Variants in AEBP2 observed in about 807,000 individuals in gnomAD.
The protein encoded by AEBP2 is zinc finger protein AEBP2.
Under a neutral mutation model 50.8 loss-of-function variants are expected in AEBP2, and 10 were observed. The ratio of observed to expected loss-of-function variants is 0.20; its 90% CI spans 0.12 to 0.33. AEBP2 has a LOEUF of 0.33. AEBP2 is among the 10% of genes least tolerant of loss of function. The pLI is 1.00. For synonymous variants in AEBP2, 296 were observed against 261.3 expected (o/e 1.13, Z -1.28); for missense variants, 570 against 688.0 (o/e 0.83, Z 1.92).
At chr12:19,466,174 T>A (rs979921199) in intron 2 of AEBP2, among the ~76,000 whole-genome samples, 1 of 151,938 alleles carries the variant, frequency 6.6e-6, no homozygotes, top group African/African-American at 2.4e-5. Context: ...AAATGAACTT[T>A]AAAAAAACAA....
At chr12:19,440,769 T>A in intron 1 of AEBP2, 1 of 1,533,380 alleles carries the variant, frequency 6.5e-7, no homozygotes, top group Non-Finnish European at 8.7e-7. Flanking sequence ...TTGTCAGAAC[T>A]ACAATTGACA....
In AEBP2 at chr12:19,507,772, A is replaced by G. The variant is rs1592780743; in HGVS notation, c.1300-4626A>G. 3.3e-5 allele frequency among the ~76,000 whole-genome samples: 5 copies of G among 152,352 alleles called. No homozygotes were observed. In the East Asian group the frequency reaches 9.6e-4, roughly 29 times the overall value. Reference sequence around the variant, plus strand: ...GCTAGGTGAGCAAATTGGAGCTCCAAAGTTCTATAACTGGGAAGGTTTTGA... The same window carrying G: ...GCTAGGTGAGCAAATTGGAGCTCCAGAGTTCTATAACTGGGAAGGTTTTGA... On this transcript the variant is annotated intron_variant, in intron 5 of 7. Coordinates refer to ENST00000266508, the MANE Select transcript of AEBP2 (RefSeq NM_153207.5).
At position 19,519,558 on chromosome 12, in the gene AEBP2, A is replaced by G. The variant is rs1949369972; in HGVS notation, c.*1441A>G. 4 of 152,592 alleles carry G rather than the reference A, an allele frequency of 2.6e-5. No homozygotes were observed. In the South Asian group the frequency reaches 6.2e-4, roughly 24 times the overall value. 9.5% of individuals were successfully genotyped at this position (152,592 alleles called of 1,614,324 possible). On this transcript the variant is annotated 3_prime_UTR_variant, in exon 8 of 8. Coordinates refer to ENST00000266508, the MANE Select transcript of AEBP2 (RefSeq NM_153207.5). ...TCCTTACTGTTGGAAGGACATTGTAAAGTATGTGGTTATATGCAGTGAAAC... is the reference window on the plus strand; with the variant it reads ...TCCTTACTGTTGGAAGGACATTGTAGAGTATGTGGTTATATGCAGTGAAAC...
rs1204257866 is a variant in AEBP2 at position 19,439,505 on chromosome 12, G to C, written c.-195G>C. On this transcript the variant is annotated 5_prime_UTR_variant, in exon 1 of 8. Transcript: ENST00000266508. Reference sequence around the variant, plus strand: ...CAGGCGCGCAGCAGTCTCCGTGTGAGTGCGCGTAGTCGCGCGCCTGTCCCC... The same window carrying C: ...CAGGCGCGCAGCAGTCTCCGTGTGACTGCGCGTAGTCGCGCGCCTGTCCCC... Among the ~76,000 whole-genome samples the C allele has an allele frequency of 6.6e-6, 1 of 151,996 alleles. No individual in the cohort carries two copies. The highest frequency in any genetic ancestry group is 1.5e-5 in the Non-Finnish European group (1 of 67,946).
chr12:19,443,904 T>G (rs762096878), intron 1 of AEBP2, among the ~76,000 whole-genome samples: 1 of 152,146 alleles, frequency 6.6e-6, no homozygotes, highest in African/African-American at 2.4e-5. Flanking sequence ...AGTGTAAGTT[T>G]ATAGCGTGTT....
chr12:19,478,356 C>T (rs570925087), intron 3 of AEBP2, among the ~76,000 whole-genome samples: 1 of 152,238 alleles, frequency 6.6e-6, no homozygotes, highest in East Asian at 1.9e-4. Flanking sequence ...AGTGCAGTGG[C>T]ATGATCTCAG....
In AEBP2 at chr12:19,404,930, C is replaced by CTTTTTTT. The variant is rs34351225; in HGVS notation, c.-17+730_-17+736dup. On this transcript the variant is annotated intron_variant, in intron 1 of 3. Transcript: ENST00000538425. ...CGTGATTCCAACTTCCTTGGCTACT[C>CTTTTTTT]TTTTTTTTTTTTTTTTTTTTTTCAG... is the stretch of plus-strand genomic sequence containing the variant. 4.2e-5 allele frequency among the ~76,000 whole-genome samples: 4 copies of CTTTTTTT among 95,706 alleles called. 1 individual carries two copies. The highest frequency in any genetic ancestry group is 7.2e-4 in the South Asian group (2 of 2,786). The allele number at this position is 95,706 out of a possible 152,430, so 62.8% of individuals were successfully genotyped here.
chr12:19,421,344 C>CAAAAAAAAAAAAAAAAA (rs375160231), intron 1 of AEBP2, among the ~76,000 whole-genome samples: 54 of 82,314 alleles, frequency 6.6e-4, no homozygotes, highest in African/African-American at 9.0e-4. Context: ...GACTCTGTCT[C>CAAAAAAAAAAAAAAAAA]AAAAAAAAAA....
intron 1 of AEBP2, among the ~76,000 whole-genome samples, chr12:19,409,092 C>G (rs1404985401): frequency 1.3e-5 from 2 of 151,934 alleles, no homozygotes; most frequent in Non-Finnish European, 2.9e-5. Context: ...TCAGGTACCC[C>G]CAAAAGAACC....
At chr12:19,404,671 T>G (rs1298381437) in intron 1 of AEBP2, among the ~76,000 whole-genome samples, 1 of 152,104 alleles carries the variant, frequency 6.6e-6, no homozygotes, top group South Asian at 2.1e-4. Flanking sequence ...AGGGAAGCAT[T>G]TATAAAGACT....
chr12:19,406,439 G>A (rs138834825), intron 1 of AEBP2, among the ~76,000 whole-genome samples: 13 of 152,036 alleles, frequency 8.6e-5, no homozygotes, highest in Admixed American at 7.9e-4. Context: ...CACACTTTGG[G>A]AGGCCCAGGT....
rs1947900760 is a variant in AEBP2 at position 19,439,538 on chromosome 12, C to T, written c.-162C>T. 2 of 940,002 alleles carry T rather than the reference C, an allele frequency of 2.1e-6. No homozygotes were observed. The highest frequency in any genetic ancestry group is 3.0e-6 in the Non-Finnish European group (2 of 667,904). 58.2% of individuals were successfully genotyped at this position (940,002 alleles called of 1,614,324 possible). A position where few individuals can be genotyped will look rare whatever the true frequency, so the allele number is the denominator to read the frequency against. On this transcript the variant is annotated 5_prime_UTR_variant, in exon 1 of 8. Coordinates refer to ENST00000266508, the MANE Select transcript of AEBP2 (RefSeq NM_153207.5). ...AGTCGCGCGCCTGTCCCCGCGCGGG[C>T]TCCGTAGCGCGTGTGCAGGCTGACG...
intron 1 of AEBP2, among the ~76,000 whole-genome samples, chr12:19,427,728 A>G (rs1314217821): frequency 1.3e-5 from 2 of 152,118 alleles, no homozygotes; most frequent in Non-Finnish European, 2.9e-5. Context: ...AGAGTCTGTC[A>G]TAGTAGAAAG....
At chr12:19,499,570 C>T (rs1194805584) in intron 4 of AEBP2, among the ~76,000 whole-genome samples, 4 of 149,156 alleles carry the variant, frequency 2.7e-5, no homozygotes, top group Non-Finnish European at 1.5e-5. Flanking sequence ...GCTGAGATGG[C>T]GCCACTGCAC....
chr12:19,462,519 T>C lies in AEBP2; in HGVS notation c.681T>C (p.Ser227=). ...TTTTCTTCTTTTGTAGCATAAGCAG[T>C]ACTATAATGGATGTAGACAGCACAA... ...SRMDSEDSIS[S]TIMDVDSTIS... is the part of the protein sequence containing the mutation. The change falls in exon 2 of 8, where the codon AGT becomes AGC. Residue 227 remains serine, a synonymous_variant. Transcript: ENST00000266508. The C allele has an allele frequency of 6.2e-7, 1 of 1,609,848 alleles. No homozygotes were observed. Among genetic ancestry groups the C allele is most frequent in the Non-Finnish European group, 8.5e-7 (1 of 1,177,872 alleles).
chr12:19,480,397 G>T (rs7967261), intron 3 of AEBP2, among the ~76,000 whole-genome samples: 2 of 152,216 alleles, frequency 1.3e-5, no homozygotes, highest in Admixed American at 1.3e-4. Context: ...GGGCCACTGC[G>T]CCCTGCCAAG....
intron 3 of AEBP2, among the ~76,000 whole-genome samples, chr12:19,483,265 C>T (rs914330308): frequency 3.9e-5 from 6 of 152,166 alleles, no homozygotes; most frequent in Non-Finnish European, 2.9e-5. Flanking sequence ...GCATTTCCCA[C>T]TGCTGCTTCT....
At chr12:19,485,708 C>CAAAAAAAA (rs35033010) in intron 3 of AEBP2, among the ~76,000 whole-genome samples, 15 of 124,776 alleles carry the variant, frequency 1.2e-4, no homozygotes, top group Non-Finnish European at 1.8e-4. Context: ...GACCCTGTCT[C>CAAAAAAAA]AAAAAAAAAA....
At chr12:19,446,937 CA>C (rs1038916040) in intron 1 of AEBP2, among the ~76,000 whole-genome samples, 2 of 151,450 alleles carry the variant, frequency 1.3e-5, no homozygotes, top group Non-Finnish European at 2.9e-5. Context: ...AACAAAAAAA[CA>C]AAAAAACAAA....
Sources: gnomAD v4.1 joint callset for allele counts (sites outside exome capture counted in the v4.1 genomes callset) on GRCh38, gnomAD v4.1.1 for gene constraint, MANE v1.5 for transcripts, NCBI Gene and HGNC (gene_info 2026-07-23, HGNC 2026-07-21) for gene names.